SERPINB7: variants seen among roughly 807,000 people sequenced by gnomAD.
SERPINB7 encodes the protein serpin B7.
A neutral mutation model predicts 37.4 loss-of-function variants in SERPINB7; 31 were observed. The ratio of observed to expected loss-of-function variants is 0.83; its 90% CI spans 0.62 to 1.12. The LOEUF is 1.12. Among genes scored for constraint, SERPINB7 ranks in the 50% most tolerant of loss-of-function variants. SERPINB7 has a pLI of 0.00. For synonymous variants in SERPINB7, 163 were observed against 166.1 expected, an observed-to-expected ratio of 0.98 and a Z score of 0.14; for missense variants, 521 against 455.3, an observed-to-expected ratio of 1.14 and a Z score of -1.31.
chr18:63,774,536 G>A (rs2049231150), upstream of SERPINB7, among the ~76,000 whole-genome samples: 1 of 151,568 alleles, frequency 6.6e-6, no homozygotes, highest in South Asian at 2.1e-4. Flanking sequence ...TGTGTGGCAT[G>A]TTCTGATGGC....
At chr18:63,773,227 G>T (rs2049221744), upstream of SERPINB7, among the ~76,000 whole-genome samples, 1 of 152,054 alleles carries the variant, frequency 6.6e-6, no homozygotes, top group Non-Finnish European at 1.5e-5. Context: ...AGATTAGAAA[G>T]GTTAGATTTG....
chr18:63,788,064 T>C (rs1007946736), intron 2 of SERPINB7, among the ~76,000 whole-genome samples: 3 of 152,240 alleles, frequency 2.0e-5, no homozygotes, highest in Admixed American at 2.0e-4. Context: ...TGGTGACTAT[T>C]ACTGATTTAT....
chr18:63,770,648 A>G (rs150991895), upstream of SERPINB7, among the ~76,000 whole-genome samples: 136 of 152,130 alleles, frequency 8.9e-4, no homozygotes, highest in African/African-American at 3.1e-3. Flanking sequence ...GTTTTATTAA[A>G]TGTGATCAGA....
At chr18:63,755,195 C>T (rs895813953) in intron 1 of SERPINB7, among the ~76,000 whole-genome samples, 26 of 152,122 alleles carry the variant, frequency 1.7e-4, no homozygotes, top group Non-Finnish European at 2.9e-4. Context: ...TGAGCCACCG[C>T]GCCCGGCCTA....
At chr18:63,778,691 T>G (rs2049273705) in intron 1 of SERPINB7, among the ~76,000 whole-genome samples, 2 of 152,136 alleles carry the variant, frequency 1.3e-5, no homozygotes, top group Non-Finnish European at 2.9e-5. Context: ...AAAAGAAGGT[T>G]TAGTGAGAAA....
chr18:63,786,144 C>T (rs938049382), intron 2 of SERPINB7, among the ~76,000 whole-genome samples: 9 of 89,978 alleles, frequency 1.0e-4, no homozygotes, highest in Non-Finnish European at 1.5e-4. Flanking sequence ...TACATATATA[C>T]ACACACACAC....
chr18:63,803,516 C>T (rs201150373), intron 7 of SERPINB7, among the ~76,000 whole-genome samples: 1 of 152,132 alleles, frequency 6.6e-6, no homozygotes, highest in African/African-American at 2.4e-5. Context: ...TCTCAGTATT[C>T]AAGAGCTGGT....
At chr18:63,789,734 G>T (rs997981885) in intron 2 of SERPINB7, among the ~76,000 whole-genome samples, 4 of 152,196 alleles carry the variant, frequency 2.6e-5, no homozygotes, top group Admixed American at 2.6e-4. Context: ...TAGAGATGTT[G>T]CAAAGATGCA....
At chr18:63,754,238 G>A (rs1275088434) in intron 1 of SERPINB7, among the ~76,000 whole-genome samples, 9 of 152,180 alleles carry the variant, frequency 5.9e-5, no homozygotes, top group Admixed American at 3.9e-4. Flanking sequence ...CCATTTGTCT[G>A]AAATGTGGTT....
intron 2 of SERPINB7, among the ~76,000 whole-genome samples, chr18:63,790,009 A>T (rs1236917259): frequency 1.3e-5 from 2 of 152,166 alleles, no homozygotes; most frequent in African/African-American, 2.4e-5. Flanking sequence ...TTGGATTTTG[A>T]ATTTTTCCAT....
At chr18:63,791,322 T>C (rs950411160) in intron 2 of SERPINB7, among the ~76,000 whole-genome samples, 1 of 152,182 alleles carries the variant, frequency 6.6e-6, no homozygotes, top group Non-Finnish European at 1.5e-5. Flanking sequence ...AAAATGGTGA[T>C]GACATAGAGT....
rs758003049 is a variant in SERPINB7, at chr18:63,792,375, C to T, written c.169-18C>T. Reference sequence around the variant, plus strand: ...ACCTCTGATTCTAATGATTGCTTTCCTTGTGCCCTGTTTACAGTTGCTTCA... The same window carrying T: ...ACCTCTGATTCTAATGATTGCTTTCTTTGTGCCCTGTTTACAGTTGCTTCA... On this transcript the variant is annotated intron_variant, in intron 2 of 7. Coordinates refer to ENST00000398019, the MANE Select transcript of SERPINB7 (RefSeq NM_003784.4). 1.3e-6 allele frequency: 2 copies of T among 1,579,410 alleles called. No individual in the cohort carries two copies. Among genetic ancestry groups the T allele is most frequent in the Non-Finnish European group, 1.7e-6 (2 of 1,149,796 alleles).
intron 2 of SERPINB7, among the ~76,000 whole-genome samples, chr18:63,783,392 A>G (rs1202573099): frequency 6.6e-6 from 1 of 152,164 alleles, no homozygotes. Context: ...CCAGGTGCAC[A>G]TGAAGGGTTG....
At chr18:63,787,320 A>G (rs531579033) in intron 2 of SERPINB7, among the ~76,000 whole-genome samples, 1 of 152,302 alleles carries the variant, frequency 6.6e-6, no homozygotes, top group South Asian at 2.1e-4. Context: ...GTAAAGATAA[A>G]AACAGATATG....
intron 5 of SERPINB7, among the ~76,000 whole-genome samples, chr18:63,798,286 G>T (rs1342062314): frequency 6.6e-6 from 1 of 152,148 alleles, no homozygotes; most frequent in Non-Finnish European, 1.5e-5. Context: ...CCCTGGGGTT[G>T]TCTCCCTGGG....
At chr18:63,783,494 A>C (rs1203543622) in intron 2 of SERPINB7, among the ~76,000 whole-genome samples, 1 of 152,200 alleles carries the variant, frequency 6.6e-6, no homozygotes, top group African/African-American at 2.4e-5. Flanking sequence ...ACCGGGGCAC[A>C]AAAACATCAT....
chr18:63,762,086 G>A (rs1432869688), intron 1 of SERPINB7, among the ~76,000 whole-genome samples: 3 of 152,160 alleles, frequency 2.0e-5, no homozygotes, highest in Non-Finnish European at 1.5e-5. Flanking sequence ...AATTGCTTGT[G>A]AGTTGTTTCC....
chr18:63,759,979 C>A (rs572743089), intron 1 of SERPINB7, among the ~76,000 whole-genome samples: 1 of 152,144 alleles, frequency 6.6e-6, no homozygotes, highest in South Asian at 2.1e-4. Context: ...TAAATTGGTA[C>A]CAGGAGTGGG....
At chr18:63,769,098 T>A (rs886829184) in intron 1 of SERPINB7, among the ~76,000 whole-genome samples, 5 of 152,190 alleles carry the variant, frequency 3.3e-5, no homozygotes, top group South Asian at 2.1e-4. Flanking sequence ...ATCTTTCTTT[T>A]TCCTTGGGTA....
Sources: allele counts gnomAD v4.1 joint callset (sites outside exome capture counted in the v4.1 genomes callset), GRCh38; gene constraint gnomAD v4.1.1; transcripts MANE v1.5; gene names NCBI Gene and HGNC (gene_info 2026-07-23, HGNC 2026-07-21).